LARP4B: variants seen among roughly 807,000 people sequenced by gnomAD.
LARP4B encodes the protein la-related protein 4B.
A neutral mutation model predicts 89.8 loss-of-function variants in LARP4B; 12 were observed. That is an observed-to-expected ratio of 0.13 (90% CI 0.09 to 0.22). The LOEUF is 0.22. Ranked by LOEUF, LARP4B falls within the 10% of genes least tolerant of loss-of-function variation. The probability of loss-of-function intolerance (pLI) is 1.00; values close to 1 mark genes in which losing one functional copy is unlikely to be tolerated. For missense variants in LARP4B, 757 were observed against 947.7 expected, an observed-to-expected ratio of 0.80 and a Z score of 2.64; for synonymous variants, 367 against 363.3, an observed-to-expected ratio of 1.01 and a Z score of -0.12.
At chr10:807,707 A>C (rs1588830134), downstream of LARP4B, 1 of 152,424 alleles carries the variant, frequency 6.6e-6, no homozygotes, top group African/African-American at 2.4e-5. Flanking sequence ...GGCCTGGCAT[A>C]TATGCTCCGA....
At chr10:943,545 T>C in the LARP4B span, among the ~76,000 whole-genome samples, 3 of 152,250 alleles carry the variant, frequency 2.0e-5, no homozygotes, top group South Asian at 6.2e-4. Flanking sequence ...TCCTCCCACC[T>C]CATCCTTTTG....
rs186998747 is a variant in LARP4B, at chr10:817,217, C to T, written c.1695+508G>A. Among the ~76,000 whole-genome samples the T allele has an allele frequency of 3.3e-5, 5 of 152,282 alleles. No homozygotes were observed. In the East Asian group the frequency reaches 7.7e-4, roughly 24 times the overall value. On this transcript the variant is annotated intron_variant, in intron 15 of 17. Coordinates refer to ENST00000316157, the MANE Select transcript of LARP4B (RefSeq NM_015155.3). ...TGAGTGTCCTCTGTCATCTGCAGCT[C>T]GGGACGACTCCTGGGATGATATTCA...
the LARP4B span, among the ~76,000 whole-genome samples, chr10:950,980 C>G: frequency 6.6e-6 from 1 of 151,890 alleles, no homozygotes; most frequent in African/African-American, 2.4e-5. Flanking sequence ...GCCTGTCTGC[C>G]TTCCTTCTCT....
rs1835309531 is a variant in LARP4B at position 873,162 on chromosome 10, C to T, written c.142-8892G>A. On this transcript the variant is annotated intron_variant, in intron 3 of 17. Transcript: ENST00000316157. ...CAGCCCATGTTTGAGAGCTCACAAG[C>T]ACACGACAGGCGTGCTGGTCCCAAG... is the stretch of plus-strand genomic sequence containing the variant. 3 of 985,016 alleles carry T rather than the reference C, an allele frequency of 3.0e-6. No individual in the cohort carries two copies. The East Asian group carries it at 3.4e-4, about 112-fold the overall frequency. The allele number at this position is 985,016 out of a possible 1,614,324, so 61.0% of individuals were successfully genotyped here.
intron 7 of LARP4B, among the ~76,000 whole-genome samples, chr10:840,811 C>G (rs1020709102): frequency 6.6e-6 from 1 of 152,170 alleles, no homozygotes; most frequent in Admixed American, 6.5e-5. Flanking sequence ...CATCAAATAT[C>G]TGCTGTGTGT....
chr10:896,491 C>CA (rs1836193464), intron 1 of LARP4B, among the ~76,000 whole-genome samples: 1 of 152,076 alleles, frequency 6.6e-6, no homozygotes, highest in African/African-American at 2.4e-5. Flanking sequence ...TTAAGTCAGA[C>CA]ATTAAAGAGA....
intron 11 of LARP4B, 149 bp downstream of exon 11, chr10:829,236 A>T: frequency 1.5e-6 from 1 of 686,676 alleles, no homozygotes; most frequent in Non-Finnish European, 2.4e-6. Flanking sequence ...GTTCTCAGCT[A>T]CATTTAAAAT....
intron 5 of LARP4B, among the ~76,000 whole-genome samples, chr10:855,752 G>A (rs1053250341): frequency 3.9e-5 from 6 of 152,172 alleles, no homozygotes; most frequent in South Asian, 4.1e-4. Flanking sequence ...GCTTGATGCA[G>A]GGTTGCCACA....
At chr10:930,847 C>T (rs1413336253) in intron 1 of LARP4B, among the ~76,000 whole-genome samples, 1 of 152,076 alleles carries the variant, frequency 6.6e-6, no homozygotes, top group Non-Finnish European at 1.5e-5. Context: ...CGTCCCGCCC[C>T]GCACCCGCAC....
Position 812,734 on chromosome 10 carries a change from A to C in LARP4B, c.*192T>G. The C allele has an allele frequency of 2.4e-6, 1 of 412,346 alleles. No individual in the cohort carries two copies. The highest frequency in any genetic ancestry group is 4.2e-6 in the Non-Finnish European group (1 of 238,622). 25.5% of individuals were successfully genotyped at this position (412,346 alleles called of 1,614,324 possible). A position where few individuals can be genotyped will look rare whatever the true frequency, so the allele number is the denominator to read the frequency against. Reference sequence around the variant, plus strand: ...ACCAACCTAAAATAAGGTTTGTATTAATTAAATCCTGAAAAATCGATTTTT... The same window carrying C: ...ACCAACCTAAAATAAGGTTTGTATTCATTAAATCCTGAAAAATCGATTTTT... On this transcript the variant is annotated 3_prime_UTR_variant, in exon 18 of 18. Coordinates refer to ENST00000316157, the MANE Select transcript of LARP4B (RefSeq NM_015155.3).
At chr10:859,754 C>T (rs575574214) in intron 5 of LARP4B, among the ~76,000 whole-genome samples, 11 of 151,888 alleles carry the variant, frequency 7.2e-5, no homozygotes, top group Admixed American at 5.9e-4. Flanking sequence ...ATGTACGTTA[C>T]TAAATGAAAG....
chr10:873,061 C>A (rs566591351), intron 3 of LARP4B: 29 of 985,224 alleles, frequency 2.9e-5, no homozygotes, highest in Non-Finnish European at 3.4e-5. Flanking sequence ...TTTCTGGTTC[C>A]TTTTCCTCCA....
chr10:892,776 T>C (rs544391129), intron 1 of LARP4B, among the ~76,000 whole-genome samples: 1 of 152,100 alleles, frequency 6.6e-6, no homozygotes, highest in East Asian at 1.9e-4. Context: ...CCTGACCTTG[T>C]GATCCACCCA....
At chr10:826,640 C>A (rs1269562407) in intron 11 of LARP4B, among the ~76,000 whole-genome samples, 1 of 152,174 alleles carries the variant, frequency 6.6e-6, no homozygotes, top group African/African-American at 2.4e-5. Flanking sequence ...CATTCTAATT[C>A]TCTGGCTTCT....
chr10:966,308 T>C, the LARP4B span, among the ~76,000 whole-genome samples: 22 of 151,906 alleles, frequency 1.4e-4, no homozygotes, highest in Non-Finnish European at 2.6e-4. Flanking sequence ...TTTTAAAAAA[T>C]AGCTGGGCAT....
chr10:908,088 C>G (rs1375788686), intron 1 of LARP4B, among the ~76,000 whole-genome samples: 1 of 152,182 alleles, frequency 6.6e-6, no homozygotes, highest in African/African-American at 2.4e-5. Context: ...CACCTGTAAT[C>G]CCAGCTACTT....
chr10:904,703 TCTGACG>T (rs1836441841), intron 1 of LARP4B, among the ~76,000 whole-genome samples: 1 of 152,280 alleles, frequency 6.6e-6, no homozygotes, highest in Admixed American at 6.5e-5. Context: ...GCTGCTGTTA[TCTGACG>T]GCTGATCCAG....
At chr10:913,835 G>A (rs1373330482) in intron 1 of LARP4B, among the ~76,000 whole-genome samples, 2 of 152,148 alleles carry the variant, frequency 1.3e-5, no homozygotes, top group Non-Finnish European at 2.9e-5. Context: ...CTTAAACCCA[G>A]GAGGCTGACG....
chr10:837,811 A>G (rs550179613), intron 7 of LARP4B, among the ~76,000 whole-genome samples: 1 of 152,344 alleles, frequency 6.6e-6, no homozygotes, highest in South Asian at 2.1e-4. Flanking sequence ...GAAAACTATC[A>G]TAACCTTGGA....
Sources: allele counts gnomAD v4.1 joint callset (sites outside exome capture counted in the v4.1 genomes callset), GRCh38; gene constraint gnomAD v4.1.1; transcripts MANE v1.5; gene names NCBI Gene and HGNC (gene_info 2026-07-23, HGNC 2026-07-21).